Variants in ZNF679 observed in about 807,000 individuals in gnomAD.
ZNF679 encodes the protein zinc finger protein 679.
Under a neutral mutation model 13.4 loss-of-function variants are expected in ZNF679, and 10 were observed. That is an observed-to-expected ratio of 0.75 (90% CI 0.46 to 1.27). The LOEUF is 1.27. Among genes scored for constraint, ZNF679 ranks in the 50% most tolerant of loss-of-function variants. The probability of loss-of-function intolerance (pLI) is 0.00; values close to 1 mark genes in which losing one functional copy is unlikely to be tolerated. For synonymous variants in ZNF679, 179 were observed against 162.5 expected (o/e 1.10, Z -0.77); for missense variants, 525 against 477.8 (o/e 1.10, Z -0.92).
rs1172871524 is a variant in ZNF679, at chr7:64,260,203, G to T, written c.40-18G>T. On this transcript the variant is annotated intron_variant, in intron 2 of 4. Transcript: ENST00000421025. ...GTGTGTTCATGAGTGTTTTTTTGTT[G>T]TTGTTATTGTTTTTCAGGGACTGTT... is the stretch of plus-strand genomic sequence containing the variant. 4 of 1,583,782 alleles carry T rather than the reference G, an allele frequency of 2.5e-6. No homozygotes were observed. The Admixed American group carries it at 5.8e-5, about 23-fold the overall frequency.
intron 1 of ZNF679, among the ~76,000 whole-genome samples, chr7:64,241,502 C>T (rs1176171993): frequency 6.6e-6 from 1 of 152,200 alleles, no homozygotes; most frequent in Non-Finnish European, 1.5e-5. Flanking sequence ...TGGGCAGGGC[C>T]AAGGCAGTAC....
In ZNF679 at chr7:64,266,348, C is replaced by A; in HGVS notation, c.715C>A (p.Pro239Thr). 3 of 1,613,532 alleles carry A rather than the reference C, an allele frequency of 1.9e-6. No homozygotes were observed. Among genetic ancestry groups the A allele is most frequent in the Non-Finnish European group, 2.5e-6 (3 of 1,179,760 alleles). The change falls in exon 5 of 5, where the codon CCC becomes ACC. Residue 239 changes from proline (P) to threonine (T), a missense_variant. By Grantham distance (38) the Pro-to-Thr change is conservative. Transcript: ENST00000421025. ...KHKRIHTGEK[P>T]YRCEECGKAF... ...TAAAAGAATTCATACTGGAGAGAAA[C>A]CCTACAGATGTGAGGAATGTGGCAA...
intron 2 of ZNF679, among the ~76,000 whole-genome samples, chr7:64,249,716 A>T (rs767731522): frequency 6.6e-6 from 1 of 152,222 alleles, no homozygotes; most frequent in East Asian, 1.9e-4. Context: ...CTGCTTTGGT[A>T]AAGTTATGTC....
Position 64,266,608 on chromosome 7 carries a change from A to G in ZNF679, c.975A>G (p.Thr325=). 1 of 1,610,754 alleles carries G rather than the reference A, an allele frequency of 6.2e-7. No individual in the cohort carries two copies. The highest frequency in any genetic ancestry group is 8.5e-7 in the Non-Finnish European group (1 of 1,177,078). The change falls in exon 5 of 5, where the codon ACA becomes ACG. Residue 325 remains threonine (T), a synonymous_variant. Transcript: ENST00000421025. ...KRIHTGEKPY[T]CEECGKAFNC... is the part of the protein sequence containing the mutation. ...TTCATACTGGAGAGAAACCCTACACATGTGAAGAATGTGGCAAAGCCTTTA... is the reference window on the plus strand; with the variant it reads ...TTCATACTGGAGAGAAACCCTACACGTGTGAAGAATGTGGCAAAGCCTTTA...
intron 2 of ZNF679, among the ~76,000 whole-genome samples, chr7:64,254,316 C>T (rs1787976339): frequency 2.0e-5 from 3 of 151,796 alleles, no homozygotes; most frequent in African/African-American, 7.3e-5. Flanking sequence ...GGGTTTTCTC[C>T]ATGTTGGCCA....
intron 4 of ZNF679, among the ~76,000 whole-genome samples, chr7:64,264,407 T>C (rs1186985162): frequency 6.6e-6 from 1 of 152,132 alleles, no homozygotes; most frequent in Non-Finnish European, 1.5e-5. Context: ...AAATGTTTTC[T>C]GCATGATCAC....
intron 1 of ZNF679, among the ~76,000 whole-genome samples, chr7:64,237,116 G>A (rs1315643693): frequency 6.6e-6 from 1 of 152,150 alleles, no homozygotes; most frequent in Non-Finnish European, 1.5e-5. Flanking sequence ...TTATAAATGT[G>A]TGCATGCAGG....
chr7:64,265,064 T>A (rs1386434388), intron 4 of ZNF679, among the ~76,000 whole-genome samples: 1 of 152,082 alleles, frequency 6.6e-6, no homozygotes, highest in Non-Finnish European at 1.5e-5. Context: ...AATTAATATA[T>A]GCCTCTTTAT....
At chr7:64,230,425 G>A (rs1048327388) in intron 1 of ZNF679, among the ~76,000 whole-genome samples, 4 of 151,742 alleles carry the variant, frequency 2.6e-5, no homozygotes, top group African/African-American at 7.3e-5. Context: ...CCCAGCTACT[G>A]GGGAGGCTGA....
At chr7:64,260,715 A>T in intron 3 of ZNF679, 119 bp from the exon 4 acceptor site, 1 of 1,125,108 alleles carries the variant, frequency 8.9e-7, no homozygotes, top group Non-Finnish European at 1.2e-6. Flanking sequence ...AAGTTCTGTT[A>T]TGAATCAATA....
chr7:64,251,801 G>A (rs1226590272), intron 2 of ZNF679, among the ~76,000 whole-genome samples: 2 of 152,212 alleles, frequency 1.3e-5, no homozygotes, highest in African/African-American at 4.8e-5. Flanking sequence ...CACATGATAT[G>A]AAGTGTAGCC....
chr7:64,242,967 T>C (rs917336128), intron 1 of ZNF679, among the ~76,000 whole-genome samples: 4 of 152,174 alleles, frequency 2.6e-5, no homozygotes, highest in African/African-American at 9.7e-5. Flanking sequence ...GTGTATTGTG[T>C]TGTCATATGA....
rs1280859945 is a variant in ZNF679, at chr7:64,266,127, T to TCGG, written c.496_498dup (p.Gly166dup). The TCGG allele has an allele frequency of 1.9e-6, 3 of 1,609,160 alleles. No individual in the cohort carries two copies. In the African/African-American group the frequency reaches 4.0e-5, roughly 21 times the overall value. On this transcript the variant is annotated inframe_insertion, in exon 5 of 5. Coordinates refer to ENST00000421025, the MANE Select transcript of ZNF679 (RefSeq NM_153363.3). Reference sequence around the variant, plus strand: ...CAGACTCATAAATGTGTCAAAGTCTTCGGCAAATTTTCAAATTCCAATAGA... The same window carrying TCGG: ...CAGACTCATAAATGTGTCAAAGTCTTCGGCGGCAAATTTTCAAATTCCAATAGA...
chr7:64,233,718 C>T (rs1305989170), intron 1 of ZNF679, among the ~76,000 whole-genome samples: 4 of 152,058 alleles, frequency 2.6e-5, no homozygotes, highest in Non-Finnish European at 5.9e-5. Flanking sequence ...AATTGCAAGA[C>T]AAATGCTTGG....
chr7:64,232,639 A>C (rs1787655391), intron 1 of ZNF679, among the ~76,000 whole-genome samples: 1 of 152,168 alleles, frequency 6.6e-6, no homozygotes, highest in African/African-American at 2.4e-5. Context: ...TTCTGTAGAC[A>C]AGGCCCAGGC....
In ZNF679 at chr7:64,246,758, G is replaced by C. The variant is rs148846055; in HGVS notation, c.-90-2270G>C. 5.1e-4 allele frequency among the ~76,000 whole-genome samples: 77 copies of C among 151,008 alleles called. No homozygotes were observed. The East Asian group carries it at 0.012, about 23-fold the overall frequency. ...GAAAAGAAAGAAAAAGAAAGAGAAA[G>C]AAAGGAAGGAAGGAGGGAAGGAAGG... On this transcript the variant is annotated intron_variant, in intron 1 of 4. Coordinates refer to ENST00000421025, the MANE Select transcript of ZNF679 (RefSeq NM_153363.3).
chr7:64,249,064 G>A lies in ZNF679; in HGVS notation c.-54G>A, dbSNP rs1787907253. The A allele has an allele frequency of 6.2e-7, 1 of 1,612,816 alleles. No homozygotes were observed. ...TTCTCTTCACTGCTCTGCGTCCTCT[G>A]TTCCTAGAGGCCAAGCCACTGTGGC... On this transcript the variant is annotated 5_prime_UTR_variant, in exon 2 of 5. Coordinates refer to ENST00000421025, the MANE Select transcript of ZNF679 (RefSeq NM_153363.3).
chr7:64,230,197 C>T (rs1342912133), intron 1 of ZNF679, among the ~76,000 whole-genome samples: 1 of 152,202 alleles, frequency 6.6e-6, no homozygotes, highest in African/African-American at 2.4e-5. Flanking sequence ...GGTAACATAA[C>T]CCAGGTGATA....
chr7:64,242,351 A>T (rs1787809674), intron 1 of ZNF679, among the ~76,000 whole-genome samples: 1 of 152,216 alleles, frequency 6.6e-6, no homozygotes, highest in African/African-American at 2.4e-5. Context: ...TATATGGCAC[A>T]TGTGAGACTC....
Sources: gnomAD v4.1 joint callset for allele counts (sites outside exome capture counted in the v4.1 genomes callset) on GRCh38, gnomAD v4.1.1 for gene constraint, MANE v1.5 for transcripts, NCBI Gene and HGNC (gene_info 2026-07-23, HGNC 2026-07-21) for gene names.